ANXA11: variants seen among roughly 807,000 people sequenced by gnomAD.
ANXA11 encodes the protein 56 kDa autoantigen.
A neutral mutation model predicts 64.7 loss-of-function variants in ANXA11; 57 were observed. The observed-to-expected ratio is 0.88, with a 90% CI of 0.71 to 1.10. The LOEUF (loss-of-function observed/expected upper bound fraction) is 1.10. Ranked by LOEUF, ANXA11 falls within the 50% of genes least tolerant of loss-of-function variation. ANXA11 has a pLI of 0.00. For missense variants in ANXA11, 675 were observed against 670.7 expected, an observed-to-expected ratio of 1.01 and a Z score of -0.07; for synonymous variants, 260 against 265.2, an observed-to-expected ratio of 0.98 and a Z score of 0.19.
At chr10:80,165,857 C>T (rs953741591) in intron 8 of ANXA11, among the ~76,000 whole-genome samples, 3 of 152,116 alleles carry the variant, frequency 2.0e-5, no homozygotes, top group East Asian at 1.9e-4. Context: ...ATGACTGGTG[C>T]GTCATTTGCC....
At chr10:80,182,721 A>AT (rs1242120547) in intron 1 of ANXA11, among the ~76,000 whole-genome samples, 1 of 152,062 alleles carries the variant, frequency 6.6e-6, no homozygotes, top group African/African-American at 2.4e-5. Context: ...TATGTACATA[A>AT]TTTTTTTAAA....
intron 1 of ANXA11, among the ~76,000 whole-genome samples, chr10:80,204,215 C>G (rs1840571319): frequency 6.6e-6 from 1 of 152,266 alleles, no homozygotes; most frequent in Non-Finnish European, 1.5e-5. Context: ...AATGCCAGGG[C>G]AACAAACTGC....
In ANXA11 at chr10:80,166,138, A is replaced by G. The variant is rs1268960184; in HGVS notation, c.804T>C (p.Ala268=). ...CAAAGAGGACTGGGGTCTTCATCAG[A>G]GCCAAGATTGTCTTCTCAAAGTTTC... ...LSGNFEKTIL[A]LMKTPVLFDI... is the part of the protein sequence containing the mutation. The change falls in exon 8 of 16, where the codon GCT becomes GCC. Residue 268 remains alanine, a synonymous_variant. Coordinates refer to ENST00000422982, the MANE Select transcript of ANXA11 (RefSeq NM_145868.2). The G allele has an allele frequency of 6.2e-7, 1 of 1,613,606 alleles. No individual in the cohort carries two copies. Among genetic ancestry groups the G allele is most frequent in the Non-Finnish European group, 8.5e-7 (1 of 1,179,774 alleles).
chr10:80,171,144 C>T, intron 3 of ANXA11: 1 of 1,444,580 alleles, frequency 6.9e-7, no homozygotes, highest in Non-Finnish European at 9.1e-7. Flanking sequence ...GTGGAGTTCC[C>T]CAAACACTCC....
At position 80,192,511 on chromosome 10, in the gene ANXA11, G is replaced by A. The variant is rs142844279; in HGVS notation, c.-58+12832C>T. Among the ~76,000 whole-genome samples, 62 of 152,068 alleles carry A rather than the reference G, an allele frequency of 4.1e-4. No individual in the cohort carries two copies. In the East Asian group the frequency reaches 7.9e-3, roughly 19 times the overall value. ...AAACAGACAATGATGAGAAATAGAG[G>A]ACAAAAATATAATCAATAATATCCT... On this transcript the variant is annotated intron_variant, in intron 1 of 15. Coordinates refer to ENST00000422982, the MANE Select transcript of ANXA11 (RefSeq NM_145868.2).
intron 14 of ANXA11, 101 bp from the exon 15 acceptor site, chr10:80,157,864 C>CAGCTGAGATTT: frequency 1.9e-6 from 3 of 1,588,854 alleles, no homozygotes; most frequent in Non-Finnish European, 2.6e-6. Flanking sequence ...TCGGAACTCT[C>CAGCTGAGATTT]AGCTGAGATT....
At chr10:80,158,148 C>T in intron 13 of ANXA11, 123 bp from the exon 14 acceptor site, 1 of 843,738 alleles carries the variant, frequency 1.2e-6, no homozygotes, top group Non-Finnish European at 1.9e-6. Context: ...TCCATCTTTT[C>T]TCCTCCTCCT....
At chr10:80,203,951 G>A (rs1285076659) in intron 1 of ANXA11, among the ~76,000 whole-genome samples, 1 of 152,198 alleles carries the variant, frequency 6.6e-6, no homozygotes, top group Non-Finnish European at 1.5e-5. Context: ...ACCCAGGCCT[G>A]CCTCACACAC....
chr10:80,173,034 T>A (rs2236556), intron 2 of ANXA11, 165 bp from the exon 3 acceptor site: 8 of 605,884 alleles, frequency 1.3e-5, no homozygotes, highest in Non-Finnish European at 2.0e-5. Flanking sequence ...CTCCTGCTGG[T>A]GCCTCCAGCT....
chr10:80,172,696 C>T, intron 3 of ANXA11, 111 bp downstream of exon 3: 4 of 1,099,492 alleles, frequency 3.6e-6, no homozygotes, highest in East Asian at 2.4e-5. Context: ...CCCTGCTGGG[C>T]CGTGCTGTGA....
At chr10:80,163,751 T>A in intron 9 of ANXA11, 138 bp from the exon 10 acceptor site, 1 of 797,060 alleles carries the variant, frequency 1.3e-6, no homozygotes. Flanking sequence ...AAATAGCCCA[T>A]ATGGCCCTCC....
intron 2 of ANXA11, among the ~76,000 whole-genome samples, chr10:80,175,460 G>GA (rs1350861162): frequency 2.6e-5 from 4 of 151,990 alleles, no homozygotes; most frequent in African/African-American, 7.3e-5. Context: ...AAAAACCCAA[G>GA]AAACAGAAGC....
rs970620195 is a variant in ANXA11, at chr10:80,152,021, T to G, written c.*3832A>C. ...AGGTTTCTTTCTTAAATTTTGCACC[T>G]GAGACAAATGCCACCAGGACTAGGG... On this transcript the variant is annotated 3_prime_UTR_variant, in exon 16 of 16. Transcript: ENST00000422982. 1 of 152,188 alleles carries G rather than the reference T, an allele frequency of 6.6e-6. No individual in the cohort carries two copies. Among genetic ancestry groups the G allele is most frequent in the Non-Finnish European group, 1.5e-5 (1 of 68,042 alleles). 9.4% of individuals were successfully genotyped at this position (152,188 alleles called of 1,614,324 possible).
chr10:80,201,955 C>T (rs61860052), intron 1 of ANXA11, among the ~76,000 whole-genome samples: 1 of 152,108 alleles, frequency 6.6e-6, no homozygotes, highest in African/African-American at 2.4e-5. Context: ...ACTTCCTTCT[C>T]AATTTCCTTT....
intron 1 of ANXA11, among the ~76,000 whole-genome samples, chr10:80,185,397 C>A (rs1382629634): frequency 6.6e-6 from 1 of 152,224 alleles, no homozygotes; most frequent in Non-Finnish European, 1.5e-5. Flanking sequence ...AGGAGCGAGA[C>A]AGGCAGACAA....
intron 1 of ANXA11, among the ~76,000 whole-genome samples, chr10:80,192,672 C>A (rs1846826139): frequency 6.6e-6 from 1 of 152,148 alleles, no homozygotes; most frequent in Non-Finnish European, 1.5e-5. Context: ...TTCAGGGGAA[C>A]TGGAAGGACA....
At chr10:80,203,844 A>C (rs1840556637) in intron 1 of ANXA11, among the ~76,000 whole-genome samples, 1 of 152,220 alleles carries the variant, frequency 6.6e-6, no homozygotes, top group Non-Finnish European at 1.5e-5. Context: ...GCTTAGCATG[A>C]GCTAAGCCAG....
chr10:80,183,574 G>A (rs1268471930), intron 1 of ANXA11, among the ~76,000 whole-genome samples: 3 of 152,226 alleles, frequency 2.0e-5, no homozygotes, highest in Non-Finnish European at 4.4e-5. Context: ...GAGGGTCCAT[G>A]GTAGAGCTTG....
chr10:80,163,186 C>G lies in ANXA11; in HGVS notation c.1086+163G>C, dbSNP rs568640342. 1.2e-4 allele frequency among the ~76,000 whole-genome samples: 18 copies of G among 152,214 alleles called. No homozygotes were observed. The South Asian group carries it at 3.5e-3, about 30-fold the overall frequency. On this transcript the variant is annotated intron_variant, in intron 11 of 15. Transcript: ENST00000422982. The stretch of plus-strand genomic sequence containing the variant: ...AGCCCTGGAGGTCAGATTACCTGTT[C>G]TAGGTCATACAGTTGAACAGTTCAG...
Sources: gnomAD v4.1 joint callset for allele counts (sites outside exome capture counted in the v4.1 genomes callset) on GRCh38, gnomAD v4.1.1 for gene constraint, MANE v1.5 for transcripts, NCBI Gene and HGNC (gene_info 2026-07-23, HGNC 2026-07-21) for gene names.